Variants in HDAC4 observed in about 807,000 individuals in gnomAD.
The protein encoded by HDAC4 is histone deacetylase A.
Under a neutral mutation model 135.1 loss-of-function variants are expected in HDAC4, and 16 were observed. The observed-to-expected ratio is 0.12, with a 90% CI of 0.08 to 0.18. The LOEUF is 0.18. Ranked by LOEUF, HDAC4 falls within the 10% of genes least tolerant of loss-of-function variation. The pLI is 1.00. For synonymous variants in HDAC4, 685 were observed against 653.4 expected (o/e 1.05, Z -0.74); for missense variants, 1,143 against 1,511.8 (o/e 0.76, Z 4.05).
chr2:239,325,762 C>A (rs190045867), intron 2 of HDAC4, among the ~76,000 whole-genome samples: 2 of 152,028 alleles, frequency 1.3e-5, no homozygotes, highest in Admixed American at 6.5e-5. Context: ...GTCAGGAGTT[C>A]GAGACCAGCC....
intron 2 of HDAC4, among the ~76,000 whole-genome samples, chr2:239,281,901 A>G (rs548688890): frequency 1.4e-5 from 2 of 147,792 alleles, no homozygotes; most frequent in Middle Eastern, 3.6e-3. Flanking sequence ...ACCACTCTAC[A>G]ATGAACACAC....
chr2:239,381,054 A>G (rs945711573), intron 1 of HDAC4, among the ~76,000 whole-genome samples: 4 of 152,314 alleles, frequency 2.6e-5, no homozygotes, highest in Non-Finnish European at 5.9e-5. Context: ...CAGGATGTTT[A>G]AAGTATATTT....
intron 5 of HDAC4, among the ~76,000 whole-genome samples, chr2:239,168,471 T>C (rs536109029): frequency 1.3e-5 from 2 of 152,304 alleles, no homozygotes; most frequent in African/African-American, 4.8e-5. Flanking sequence ...TTGGTATCAA[T>C]AAATAAAAGT....
intron 2 of HDAC4, among the ~76,000 whole-genome samples, chr2:239,252,526 A>G (rs1238502541): frequency 1.3e-5 from 2 of 152,208 alleles, no homozygotes; most frequent in African/African-American, 4.8e-5. Context: ...CAGAAAGTTA[A>G]AGAGAAAAAT....
chr2:239,365,949 T>C (rs879866374), intron 1 of HDAC4, among the ~76,000 whole-genome samples: 230 of 81,586 alleles, frequency 2.8e-3, no homozygotes, highest in Middle Eastern at 0.025. Context: ...CTATGTGACA[T>C]ACACAGACAT....
intron 6 of HDAC4, among the ~76,000 whole-genome samples, chr2:239,157,483 CAGG>C (rs2042500061): frequency 6.6e-6 from 1 of 152,212 alleles, no homozygotes; most frequent in African/African-American, 2.4e-5. Context: ...AATCGTCTGC[CAGG>C]AGAATGGCCG....
chr2:239,393,805 C>T (rs1696384980), intron 1 of HDAC4, among the ~76,000 whole-genome samples: 1 of 152,212 alleles, frequency 6.6e-6, no homozygotes, highest in South Asian at 2.1e-4. Flanking sequence ...CTGATCAAGC[C>T]TGGGGTCATG....
At position 239,348,446 on chromosome 2, in the gene HDAC4, C is replaced by T. The variant is rs562898523; in HGVS notation, c.22+4232G>A. ...GGCCAAGTAACAACGTCTGCCTTTCCTGCTGGCCAGTCAAGTCACCAGTAT... is the reference window on the plus strand; with the variant it reads ...GGCCAAGTAACAACGTCTGCCTTTCTTGCTGGCCAGTCAAGTCACCAGTAT... On this transcript the variant is annotated intron_variant, in intron 2 of 26. Coordinates refer to ENST00000543185, the MANE Select transcript of HDAC4 (RefSeq NM_001378414.1). 6.6e-5 allele frequency among the ~76,000 whole-genome samples: 10 copies of T among 152,366 alleles called. No homozygotes were observed. The East Asian group carries it at 1.9e-3, about 29-fold the overall frequency.
chr2:239,381,838 G>A (rs1487558834), intron 1 of HDAC4, among the ~76,000 whole-genome samples: 1 of 152,176 alleles, frequency 6.6e-6, no homozygotes, highest in Non-Finnish European at 1.5e-5. Flanking sequence ...AATGTCCCCT[G>A]GGGGAGGAGG....
chr2:239,229,247 A>T (rs528328039), intron 3 of HDAC4, among the ~76,000 whole-genome samples: 14 of 152,252 alleles, frequency 9.2e-5, no homozygotes, highest in African/African-American at 3.4e-4. Context: ...TAAATTGCTC[A>T]TAATTGTACA....
Position 239,236,632 on chromosome 2 carries a change from G to C in HDAC4, c.55C>G (p.Leu19Val). 6.4e-7 allele frequency: 1 copy of C among 1,551,730 alleles called. No homozygotes were observed. The highest frequency in any genetic ancestry group is 8.7e-7 in the Non-Finnish European group (1 of 1,146,978). ...GLSGRDQPVE[L>V]LNPARVNHMP... The stretch of plus-strand genomic sequence containing the variant: ...TGGTTCACGCGGGCAGGATTCAGCA[G>C]CTCCACTGGCTGGTCTCGGCCAGAA... The change falls in exon 3 of 27, where the codon CTG (leucine) becomes GTG (valine). Residue 19 changes from leucine to valine, a missense_variant. Around this residue, in one of 9 missense-constraint regions of HDAC4, gnomAD observed 247 missense variants for 310.0 expected, o/e 0.80. Transcript: ENST00000543185.
At chr2:239,356,412 T>C (rs888961679) in intron 1 of HDAC4, among the ~76,000 whole-genome samples, 6 of 152,132 alleles carry the variant, frequency 3.9e-5, no homozygotes, top group Admixed American at 6.6e-5. Context: ...TAAAGAGGAA[T>C]CGTGTGAGGA....
At chr2:239,230,368 CAAAA>C (rs56105562) in intron 3 of HDAC4, among the ~76,000 whole-genome samples, 1 of 79,344 alleles carries the variant, frequency 1.3e-5, no homozygotes, top group East Asian at 3.5e-4. Flanking sequence ...AGCAAGCAAG[CAAAA>C]AAAAAAAAAA....
At chr2:239,055,818 C>T (rs1449360416) in intron 24 of HDAC4, among the ~76,000 whole-genome samples, 2 of 151,988 alleles carry the variant, frequency 1.3e-5, no homozygotes, top group Non-Finnish European at 2.9e-5. Context: ...CCAGGGGAAA[C>T]CTGCTGGGTC....
intron 2 of HDAC4, among the ~76,000 whole-genome samples, chr2:239,304,328 A>T (rs2052450654): frequency 6.6e-6 from 1 of 152,220 alleles, no homozygotes; most frequent in African/African-American, 2.4e-5. Flanking sequence ...ACATGCTGGG[A>T]AGATTAAATG....
chr2:239,068,337 T>G lies in HDAC4; in HGVS notation c.2869+152A>C, dbSNP rs561966813. On this transcript the variant is annotated intron_variant, in intron 23 of 26. Coordinates refer to ENST00000543185, the MANE Select transcript of HDAC4 (RefSeq NM_001378414.1). The surrounding 1 kb of genome is among the most constrained non-coding windows in gnomAD (Gnocchi z 4.4). ...TCTGGGCTCTCTGGGGCCTCCCAAA[T>G]GGACTGGTTCCCAGTACGGTCAGAA... 1.1e-5 allele frequency: 7 copies of G among 636,418 alleles called. No homozygotes were observed. Among genetic ancestry groups the G allele is most frequent in the Non-Finnish European group, 2.0e-5 (7 of 354,640 alleles). The allele number at this position is 636,418 out of a possible 1,614,324, so 39.4% of individuals were successfully genotyped here.
chr2:239,134,683 G>T, intron 9 of HDAC4, 40 bp from the exon 10 acceptor site: 1 of 1,464,144 alleles, frequency 6.8e-7, no homozygotes, highest in Non-Finnish European at 9.6e-7. Flanking sequence ...AGTCTGTCAC[G>T]GCCAAACATC....
In HDAC4 at chr2:239,146,657, C is replaced by G. The variant is rs1375622471; in HGVS notation, c.734-1943G>C. 6.6e-6 allele frequency among the ~76,000 whole-genome samples: 1 copy of G among 152,038 alleles called. No individual in the cohort carries two copies. The highest frequency in any genetic ancestry group is 1.5e-5 in the Non-Finnish European group (1 of 67,980). ...CTCCAGACTCTTTGTGCAAGAGACTCTTGAGGAGAGTCCCATGGTGGCTGC... is the reference window on the plus strand; with the variant it reads ...CTCCAGACTCTTTGTGCAAGAGACTGTTGAGGAGAGTCCCATGGTGGCTGC... On this transcript the variant is annotated intron_variant, in intron 7 of 26. Transcript: ENST00000543185. This position sits in a 1 kb window ranked among gnomAD's most constrained non-coding sequence, Gnocchi z 4.5.
rs1274727480 is a variant in HDAC4, at chr2:239,236,675, G to A, written c.23-11C>T. The A allele has an allele frequency of 1.9e-6, 3 of 1,550,576 alleles. No homozygotes were observed. The highest frequency in any genetic ancestry group is 1.2e-5 in the South Asian group (1 of 84,052). On this transcript the variant is annotated splice_polypyrimidine_tract_variant and intron_variant, in intron 2 of 26. Transcript: ENST00000543185. Reference sequence around the variant, plus strand: ...GGCCAGAAAGTCCATCTGGAGAACAGAGAAGGCACTGGCTTCAGAAACTGC... The same window carrying A: ...GGCCAGAAAGTCCATCTGGAGAACAAAGAAGGCACTGGCTTCAGAAACTGC...
Sources: gnomAD v4.1 joint callset for allele counts (sites outside exome capture counted in the v4.1 genomes callset) on GRCh38, gnomAD v4.1.1 for gene constraint, gnomAD v4.1.1 regional missense constraint, Gnocchi (gnomAD v3.1) non-coding constraint, MANE v1.5 for transcripts, NCBI Gene and HGNC (gene_info 2026-07-23, HGNC 2026-07-21) for gene names.